INPP4B: variants seen among roughly 807,000 people sequenced by gnomAD.
INPP4B encodes the protein inositol polyphosphate-4-phosphatase type II B, also known as inositol polyphosphate 4-phosphatase type II.
In INPP4B, 55 loss-of-function variants were observed where a neutral mutation model predicts 122.5. The ratio of observed to expected loss-of-function variants is 0.45; its 90% CI spans 0.36 to 0.56. The LOEUF (loss-of-function observed/expected upper bound fraction) is 0.56, where lower values mean the gene tolerates loss of function less well. INPP4B is among the 20% of genes least tolerant of loss of function. The probability of loss-of-function intolerance (pLI) is 0.00; values close to 1 mark genes in which losing one functional copy is unlikely to be tolerated. For missense variants in INPP4B, 1,000 were observed against 1,097.7 expected, an observed-to-expected ratio of 0.91 and a Z score of 1.26; for synonymous variants, 403 against 388.7, an observed-to-expected ratio of 1.04 and a Z score of -0.43.
intron 24 of INPP4B, 120 bp downstream of exon 24, chr4:142,086,024 T>C: frequency 1.4e-6 from 1 of 691,016 alleles, no homozygotes; most frequent in South Asian, 1.6e-5. Context: ...ATCCATGGAC[T>C]AATAGAAGAT....
intron 7 of INPP4B, among the ~76,000 whole-genome samples, chr4:142,341,859 T>C (rs1362909261): frequency 1.3e-5 from 2 of 152,068 alleles, no homozygotes; most frequent in Non-Finnish European, 2.9e-5. Context: ...TCTTCAGTCA[T>C]ACAGCCAAAA....
At chr4:142,417,118 A>G (rs2149283459) in intron 5 of INPP4B, among the ~76,000 whole-genome samples, 1 of 152,260 alleles carries the variant, frequency 6.6e-6, no homozygotes, top group Non-Finnish European at 1.5e-5. Context: ...CTCCAGGGAG[A>G]GCAGTTCAAA....
chr4:142,238,004 C>A lies in INPP4B; in HGVS notation c.696G>T (p.Lys232Asn). ...ATCTATATAATTTACATACTGGGTT[C>A]TTTAACACTGGAAAAAAAAAGAAAA... is the stretch of plus-strand genomic sequence containing the variant. Reference protein sequence around the residue: ...DNLPFLNSVLKNPVCKLYRFP... With the variant: ...DNLPFLNSVLNNPVCKLYRFP... Residue 232 changes from lysine (K) to asparagine (N), a missense_variant, in exon 12 of 26, where the codon AAG (lysine) becomes AAT (asparagine). Transcript: ENST00000262992. 6.7e-7 allele frequency: 1 copy of A among 1,500,214 alleles called. No homozygotes were observed. The highest frequency in any genetic ancestry group is 9.1e-7 in the Non-Finnish European group (1 of 1,095,628). The allele number at this position is 1,500,214 out of a possible 1,614,324, so 92.9% of individuals were successfully genotyped here.
At chr4:142,678,072 C>A (rs1310897919) in intron 2 of INPP4B, among the ~76,000 whole-genome samples, 1 of 151,620 alleles carries the variant, frequency 6.6e-6, no homozygotes, top group African/African-American at 2.4e-5. Flanking sequence ...ATGTTGAGAC[C>A]AATTAATGGT....
intron 2 of INPP4B, among the ~76,000 whole-genome samples, chr4:142,610,234 C>T (rs932211622): frequency 2.6e-5 from 4 of 152,102 alleles, no homozygotes; most frequent in African/African-American, 9.7e-5. Flanking sequence ...AGCCCTCTTG[C>T]CTGCCACCAT....
intron 2 of INPP4B, among the ~76,000 whole-genome samples, chr4:142,544,320 A>G (rs574341464): frequency 6.6e-6 from 1 of 152,200 alleles, no homozygotes; most frequent in South Asian, 2.1e-4. Context: ...GATTGTGGAT[A>G]AGATGTGGAA....
intron 3 of INPP4B, among the ~76,000 whole-genome samples, chr4:142,432,956 C>A (rs540942845): frequency 6.6e-6 from 1 of 152,086 alleles, no homozygotes; most frequent in Admixed American, 6.5e-5. Flanking sequence ...AGAAGACTGA[C>A]GTAAGATGTC....
chr4:142,589,666 C>T (rs948733693), intron 2 of INPP4B, among the ~76,000 whole-genome samples: 1 of 152,128 alleles, frequency 6.6e-6, no homozygotes, highest in African/African-American at 2.4e-5. Context: ...AGTTTACACT[C>T]ACTGTTGGTG....
At chr4:142,106,659 T>C (rs1787284154) in intron 23 of INPP4B, among the ~76,000 whole-genome samples, 2 of 152,284 alleles carry the variant, frequency 1.3e-5, no homozygotes, top group Non-Finnish European at 1.5e-5. Flanking sequence ...TTGTAATATA[T>C]ATTTTGAGTA....
chr4:142,359,250 C>A (rs1784622839), intron 7 of INPP4B, among the ~76,000 whole-genome samples: 1 of 151,758 alleles, frequency 6.6e-6, no homozygotes, highest in Non-Finnish European at 1.5e-5. Flanking sequence ...GGCTCTGGAG[C>A]CAAACGGCCT....
intron 7 of INPP4B, among the ~76,000 whole-genome samples, chr4:142,381,513 T>C (rs1267034370): frequency 6.6e-6 from 1 of 152,090 alleles, no homozygotes; most frequent in South Asian, 2.1e-4. Flanking sequence ...TCATATCTAA[T>C]TTTCATCTTA....
chr4:142,118,369 C>A (rs1334998370), intron 21 of INPP4B, among the ~76,000 whole-genome samples: 3 of 151,906 alleles, frequency 2.0e-5, no homozygotes, highest in Admixed American at 6.6e-5. Context: ...AAGCTGGAGG[C>A]ATCATGCTAT....
intron 2 of INPP4B, among the ~76,000 whole-genome samples, chr4:142,569,185 T>G (rs1732278147): frequency 6.6e-6 from 1 of 151,550 alleles, no homozygotes; most frequent in Admixed American, 6.6e-5. Context: ...GGGGATAATA[T>G]CAGCATCTAA....
intron 1 of INPP4B, among the ~76,000 whole-genome samples, chr4:142,745,714 T>C (rs1434383921): frequency 1.3e-5 from 2 of 151,648 alleles, no homozygotes; most frequent in Non-Finnish European, 2.9e-5. Context: ...GACAAATAAG[T>C]TGAAAATAAA....
intron 1 of INPP4B, among the ~76,000 whole-genome samples, chr4:142,771,170 A>T (rs1406808676): frequency 6.6e-6 from 1 of 152,084 alleles, no homozygotes; most frequent in Non-Finnish European, 1.5e-5. Context: ...CTATATAAGA[A>T]AAAATTACCT....
At chr4:142,169,129 T>C (rs1453012651) in intron 16 of INPP4B, among the ~76,000 whole-genome samples, 1 of 151,674 alleles carries the variant, frequency 6.6e-6, no homozygotes, top group East Asian at 1.9e-4. Context: ...TCTTACATTC[T>C]TATCTTTATT....
At chr4:142,267,866 C>A (rs1219187145) in intron 10 of INPP4B, among the ~76,000 whole-genome samples, 2 of 151,634 alleles carry the variant, frequency 1.3e-5, no homozygotes, top group Non-Finnish European at 2.9e-5. Flanking sequence ...AGAAAACAAC[C>A]CAATAAAAAA....
At chr4:142,158,724 A>T (rs1474341610) in intron 17 of INPP4B, among the ~76,000 whole-genome samples, 2 of 152,008 alleles carry the variant, frequency 1.3e-5, no homozygotes, top group Non-Finnish European at 2.9e-5. Flanking sequence ...AATACTTAAT[A>T]AAAGGTTTCA....
intron 25 of INPP4B, among the ~76,000 whole-genome samples, chr4:142,045,794 A>T (rs1751038365): frequency 6.6e-6 from 1 of 152,164 alleles, no homozygotes; most frequent in East Asian, 1.9e-4. Flanking sequence ...GCATTGTGCT[A>T]GGCTTTTAAG....
Sources: gnomAD v4.1 joint callset for allele counts (sites outside exome capture counted in the v4.1 genomes callset) on GRCh38, gnomAD v4.1.1 for gene constraint, MANE v1.5 for transcripts, NCBI Gene and HGNC (gene_info 2026-07-23, HGNC 2026-07-21) for gene names.